The following AKAP9 variants were observed in gnomAD, a reference collection of about 807,000 sequenced individuals.
AKAP9 encodes the protein A-kinase anchoring protein 9.
A neutral mutation model predicts 488.5 loss-of-function variants in AKAP9; 311 were observed. The ratio of observed to expected loss-of-function variants is 0.64; its 90% CI spans 0.58 to 0.70. The LOEUF (loss-of-function observed/expected upper bound fraction) is 0.70. Among genes scored for constraint, AKAP9 ranks in the 30% least tolerant of loss-of-function variants. The pLI, the probability that AKAP9 is intolerant of heterozygous loss-of-function variation, is 0.00. For synonymous variants in AKAP9, 1,462 were observed against 1,483.5 expected, an observed-to-expected ratio of 0.99 and a Z score of 0.33; for missense variants, 4,215 against 4,374.5, an observed-to-expected ratio of 0.96 and a Z score of 1.03.
chr7:91,985,221 G>A (rs1311063041), intron 3 of AKAP9, among the ~76,000 whole-genome samples: 1 of 152,142 alleles, frequency 6.6e-6, no homozygotes, highest in Non-Finnish European at 1.5e-5. Flanking sequence ...TCCAGTTTTT[G>A]CCCATTCAGT....
At chr7:92,043,615 C>G (rs935516897) in intron 20 of AKAP9, among the ~76,000 whole-genome samples, 1 of 151,758 alleles carries the variant, frequency 6.6e-6, no homozygotes. Flanking sequence ...TAAACAAAAC[C>G]TCAGAACAAG....
At chr7:91,989,038 A>G (rs191265400) in intron 3 of AKAP9, among the ~76,000 whole-genome samples, 1 of 152,322 alleles carries the variant, frequency 6.6e-6, no homozygotes, top group Admixed American at 6.5e-5. Context: ...TGTTTGGCAT[A>G]CATTAGACGT....
At chr7:92,052,990 G>C (rs761459236) in intron 22 of AKAP9, 32 bp downstream of exon 22, 1 of 1,507,480 alleles carries the variant, frequency 6.6e-7, no homozygotes, top group Admixed American at 1.7e-5. Context: ...TATGTACTGA[G>C]TTTGAAGTAC....
At chr7:92,049,228 A>G (rs1371711031) in intron 21 of AKAP9, among the ~76,000 whole-genome samples, 1 of 152,172 alleles carries the variant, frequency 6.6e-6, no homozygotes, top group Non-Finnish European at 1.5e-5. Flanking sequence ...ACCAAACTGG[A>G]TGTTCTAAGA....
Position 92,095,152 on chromosome 7 carries a change from A to C in AKAP9, c.9708A>C (p.Glu3236Asp). ...AAGCCAAGTTGGGACGCAGTGAAGA[A>C]CGGGATAAAGAAGAACTTGAGGTAC... ...KEKAKLGRSEERDKEELEDLK... is the reference protein window; with the variant it reads ...KEKAKLGRSEDRDKEELEDLK... The change falls in exon 40 of 50, where the codon GAA becomes GAC. Residue 3236 changes from glutamate to aspartate, a missense_variant. Coordinates refer to ENST00000356239, the MANE Select transcript of AKAP9 (RefSeq NM_005751.5). The C allele has an allele frequency of 1.2e-6, 2 of 1,614,222 alleles. No homozygotes were observed. The highest frequency in any genetic ancestry group is 1.7e-6 in the Non-Finnish European group (2 of 1,180,030).
chr7:92,058,891 T>C (rs372182233), intron 22 of AKAP9, among the ~76,000 whole-genome samples: 2 of 152,152 alleles, frequency 1.3e-5, no homozygotes, highest in African/African-American at 4.8e-5. Flanking sequence ...AACTTACTTT[T>C]TGTTTTTAAT....
In AKAP9 at chr7:92,001,861, T is replaced by A; in HGVS notation, c.1944T>A (p.His648Gln). The A allele has an allele frequency of 6.2e-7, 1 of 1,613,290 alleles. No homozygotes were observed. The highest frequency in any genetic ancestry group is 8.5e-7 in the Non-Finnish European group (1 of 1,179,538). The change falls in exon 8 of 50, where the codon CAT becomes CAA. Residue 648 changes from histidine (H) to glutamine (Q), a missense_variant. Around this residue, in one of 5 missense-constraint regions of AKAP9, gnomAD observed 2,361 missense variants for 2,430.0 expected, o/e 0.97. Transcript: ENST00000356239. The part of the protein sequence containing the change: ...SKLKEDLEIE[H>Q]RINIEKLKDN... ...TGAAGGAAGATTTAGAAATTGAACA[T>A]CGAATAAATATTGAAAAACTTAAAG...
Position 92,082,441 on chromosome 7 carries a change from T to G in AKAP9, c.8020-81T>G. The G allele has an allele frequency of 4.7e-6, 7 of 1,486,302 alleles. No homozygotes were observed. In the South Asian group the frequency reaches 8.1e-5, roughly 17 times the overall value. The allele number at this position is 1,486,302 out of a possible 1,614,324, so 92.1% of individuals were successfully genotyped here. A position where few individuals can be genotyped will look rare whatever the true frequency, so the allele number is the denominator to read the frequency against. On this transcript the variant is annotated intron_variant, in intron 31 of 49. Transcript: ENST00000356239. ...TGTAGGCAGTCATTCCTTGGATGGTTTTATTAGAATGTATAAGAGCCTTGA... is the reference window on the plus strand; with the variant it reads ...TGTAGGCAGTCATTCCTTGGATGGTGTTATTAGAATGTATAAGAGCCTTGA...
At chr7:92,096,037 A>G (rs765942695) in intron 40 of AKAP9, among the ~76,000 whole-genome samples, 19 of 152,202 alleles carry the variant, frequency 1.2e-4, no homozygotes, top group Non-Finnish European at 2.2e-4. Context: ...TTTATTTTTT[A>G]AACAAATTTA....
At chr7:92,077,605 G>A in intron 29 of AKAP9, 91 bp from the exon 30 acceptor site, 1 of 1,099,956 alleles carries the variant, frequency 9.1e-7, no homozygotes, top group Non-Finnish European at 1.4e-6. Context: ...TTATTCATTT[G>A]TACGTTATAG....
At chr7:92,032,882 G>A (rs894672055) in intron 16 of AKAP9, among the ~76,000 whole-genome samples, 4 of 151,968 alleles carry the variant, frequency 2.6e-5, no homozygotes, top group East Asian at 1.9e-4. Flanking sequence ...ATTAACATGA[G>A]GTTTGGTATT....
intron 44 of AKAP9, among the ~76,000 whole-genome samples, chr7:92,100,197 C>T (rs1467957901): frequency 6.6e-6 from 1 of 152,118 alleles, no homozygotes; most frequent in African/African-American, 2.4e-5. Flanking sequence ...ACTTTGCTAC[C>T]TAGGGACCAA....
chr7:92,005,289 A>G (rs1406562103), intron 8 of AKAP9, among the ~76,000 whole-genome samples: 2 of 152,180 alleles, frequency 1.3e-5, no homozygotes, highest in Non-Finnish European at 2.9e-5. Flanking sequence ...GGGTAGTAAC[A>G]ACATTAAATA....
chr7:92,006,027 G>A lies in AKAP9; in HGVS notation c.3318+2792G>A, dbSNP rs377677649. Among the ~76,000 whole-genome samples, 3 of 152,248 alleles carry A rather than the reference G, an allele frequency of 2.0e-5. No homozygotes were observed. In the South Asian group the frequency reaches 6.2e-4, roughly 32 times the overall value. On this transcript the variant is annotated intron_variant, in intron 8 of 49. Coordinates refer to ENST00000356239, the MANE Select transcript of AKAP9 (RefSeq NM_005751.5). ...CTGGAATTGTTTTCAAAACCAAAAT[G>A]TATGGCAGTTACTTGTGAAAATGTC...
chr7:92,094,979 C>T (rs757867912), intron 39 of AKAP9, 44 bp from the exon 40 acceptor site: 39 of 1,593,212 alleles, frequency 2.4e-5, no homozygotes, highest in African/African-American at 4.0e-5. Context: ...TTATATGCTT[C>T]GTCAACATAG....
chr7:92,042,576 C>G lies in AKAP9; in HGVS notation c.5059-92C>G. ...TTGTGCACAGAGGTTTCTATTTTAT[C>G]TCATACCAATATAGAAGAATGACAT... On this transcript the variant is annotated intron_variant, in intron 19 of 49. Transcript: ENST00000356239. The G allele has an allele frequency of 5.7e-6, 5 of 881,972 alleles. 1 individual carries two copies. The highest frequency in any genetic ancestry group is 1.8e-6 in the Non-Finnish European group (1 of 542,812). 54.6% of individuals were successfully genotyped at this position (881,972 alleles called of 1,614,324 possible). A position where few individuals can be genotyped will look rare whatever the true frequency, so the allele number is the denominator to read the frequency against.
At chr7:91,977,333 G>A (rs758401503) in intron 2 of AKAP9, among the ~76,000 whole-genome samples, 33 of 152,188 alleles carry the variant, frequency 2.2e-4, no homozygotes, top group Non-Finnish European at 4.0e-4. Flanking sequence ...AAGGCGGGCA[G>A]ATCACGAGGT....
In AKAP9 at chr7:92,098,232, T is replaced by C. The variant is rs945350718; in HGVS notation, c.10713+18T>C. On this transcript the variant is annotated intron_variant, in intron 43 of 49. Transcript: ENST00000356239. The stretch of plus-strand genomic sequence containing the variant: ...GTGAAGAGGTAATACTTTTTAAAAG[T>C]TATTTCTGAAGCATTGAGAGCAAAG... The C allele has an allele frequency of 6.0e-6, 9 of 1,491,100 alleles. No homozygotes were observed. In the Admixed American group the frequency reaches 6.7e-5, roughly 11 times the overall value. 92.4% of individuals were successfully genotyped at this position (1,491,100 alleles called of 1,614,324 possible).
At chr7:91,998,009 A>C (rs562744404) in intron 7 of AKAP9, among the ~76,000 whole-genome samples, 1 of 152,192 alleles carries the variant, frequency 6.6e-6, no homozygotes. Flanking sequence ...CACCAGGGCC[A>C]GTTTCGTGGA....
Sources: gnomAD v4.1 joint callset for allele counts (sites outside exome capture counted in the v4.1 genomes callset) on GRCh38, gnomAD v4.1.1 for gene constraint, gnomAD v4.1.1 regional missense constraint, MANE v1.5 for transcripts, NCBI Gene and HGNC (gene_info 2026-07-23, HGNC 2026-07-21) for gene names.